AP1G1: variants seen among roughly 807,000 people sequenced by gnomAD.
The protein encoded by AP1G1 is AP-1 complex subunit gamma-1.
In AP1G1, 7 loss-of-function variants were observed where a neutral mutation model predicts 108.3. The observed-to-expected ratio is 0.06, with a 90% CI of 0.04 to 0.12. AP1G1 has a LOEUF of 0.12. AP1G1 is among the 10% of genes least tolerant of loss of function. The probability of loss-of-function intolerance (pLI) is 1.00; values close to 1 mark genes in which losing one functional copy is unlikely to be tolerated. For missense variants in AP1G1, 756 were observed against 1,010.7 expected (o/e 0.75, Z 3.42); for synonymous variants, 379 against 353.5 (o/e 1.07, Z -0.81).
At chr16:71,755,188 G>A (rs959725272) in intron 12 of AP1G1, among the ~76,000 whole-genome samples, 6 of 152,194 alleles carry the variant, frequency 3.9e-5, no homozygotes, top group Admixed American at 2.0e-4. Flanking sequence ...CACTTTGGGA[G>A]GCTGAGGCAG....
chr16:71,795,805 C>T (rs2032564916), intron 1 of AP1G1, among the ~76,000 whole-genome samples: 1 of 152,126 alleles, frequency 6.6e-6, no homozygotes, highest in Non-Finnish European at 1.5e-5. Flanking sequence ...TTGTGGTTTT[C>T]TTTCTTTTGA....
chr16:71,783,114 C>T (rs940281666), intron 2 of AP1G1, among the ~76,000 whole-genome samples: 4 of 152,058 alleles, frequency 2.6e-5, no homozygotes, highest in African/African-American at 9.7e-5. Context: ...TGTGAGAAAG[C>T]GTGTCTACTA....
At chr16:71,808,063 AAC>A (rs1469269613) in intron 1 of AP1G1, 7 of 1,178,234 alleles carry the variant, frequency 5.9e-6, no homozygotes, top group Admixed American at 3.8e-5. Flanking sequence ...CTAACCGGGA[AAC>A]ACAATCAACC....
chr16:71,746,882 C>T (rs1597041773), intron 16 of AP1G1, 190 bp from the exon 17 acceptor site: 1 of 447,236 alleles, frequency 2.2e-6, no homozygotes, highest in South Asian at 3.0e-5. Context: ...TTATACTATT[C>T]TCATTGTAAC....
chr16:71,801,150 T>C (rs181937200), intron 1 of AP1G1, among the ~76,000 whole-genome samples: 3 of 152,006 alleles, frequency 2.0e-5, no homozygotes, highest in East Asian at 3.9e-4. Context: ...CTACTAAAAA[T>C]ACAAAAATTA....
intron 2 of AP1G1, among the ~76,000 whole-genome samples, chr16:71,783,049 T>C (rs2032082464): frequency 6.6e-6 from 1 of 152,146 alleles, no homozygotes; most frequent in African/African-American, 2.4e-5. Context: ...ATTCTAAGGC[T>C]TTTCAAGGAA....
intron 22 of AP1G1, 34 bp from the exon 23 acceptor site, chr16:71,733,193 C>T (rs2145404425): frequency 1.3e-6 from 2 of 1,530,152 alleles, no homozygotes; most frequent in Non-Finnish European, 9.0e-7. Flanking sequence ...AAATTATATA[C>T]TGAAATGAAA....
At chr16:71,744,767 C>T (rs975146686) in intron 19 of AP1G1, among the ~76,000 whole-genome samples, 2 of 151,772 alleles carry the variant, frequency 1.3e-5, no homozygotes, top group Non-Finnish European at 2.9e-5. Flanking sequence ...GTAGAGATGG[C>T]GTTTCACCAT....
intron 17 of AP1G1, among the ~76,000 whole-genome samples, 200 bp downstream of exon 17, chr16:71,746,388 T>C (rs2145429998): frequency 6.6e-6 from 1 of 152,310 alleles, no homozygotes; most frequent in Admixed American, 6.5e-5. Context: ...GGAGGTGGAA[T>C]GAAAGAGAGT....
rs376784594 is a variant in AP1G1, at chr16:71,745,619, A to G, written c.1731-5T>C. 6.2e-7 allele frequency: 1 copy of G among 1,613,110 alleles called. No homozygotes were observed. The highest frequency in any genetic ancestry group is 1.3e-5 in the African/African-American group (1 of 74,996). ...ATTCTCTCAAGTAGGGCAGACCTAG[A>G]AGAATCTGAAGTGGTTAAATTCTAG... is the stretch of plus-strand genomic sequence containing the variant. On this transcript the variant is annotated splice_region_variant and splice_polypyrimidine_tract_variant and intron_variant, in intron 17 of 22. Transcript: ENST00000299980.
intron 1 of AP1G1, among the ~76,000 whole-genome samples, chr16:71,791,387 T>C (rs1555557816): frequency 6.6e-6 from 1 of 152,124 alleles, no homozygotes; most frequent in South Asian, 2.1e-4. Context: ...TGATCAGTTA[T>C]AGAATATATA....
intron 10 of AP1G1, among the ~76,000 whole-genome samples, chr16:71,759,352 T>A (rs909818864): frequency 3.3e-5 from 5 of 152,084 alleles, no homozygotes; most frequent in African/African-American, 1.2e-4. Flanking sequence ...TCCCAGCTAC[T>A]CGAGGGGCTG....
chr16:71,742,431 T>TA (rs2029915612), intron 19 of AP1G1: 15 of 152,176 alleles, frequency 9.9e-5, no homozygotes, highest in Non-Finnish European at 1.5e-5. Context: ...ACAATGCTTA[T>TA]GACTGTGCGG....
intron 2 of AP1G1, chr16:71,777,718 C>A: frequency 2.2e-6 from 1 of 444,996 alleles, no homozygotes; most frequent in South Asian, 1.6e-5. Context: ...CGGGCCCGTT[C>A]TCCTCCTCCT....
intron 3 of AP1G1, among the ~76,000 whole-genome samples, chr16:71,773,785 CTG>C (rs958199353): frequency 2.7e-5 from 4 of 150,438 alleles, no homozygotes; most frequent in African/African-American, 9.8e-5. Flanking sequence ...TCCACTAAAA[CTG>C]TAAAAATTGG....
intron 19 of AP1G1, among the ~76,000 whole-genome samples, chr16:71,739,685 G>C (rs1203443704): frequency 6.6e-6 from 1 of 150,642 alleles, no homozygotes; most frequent in Admixed American, 6.6e-5. Flanking sequence ...CTGGAAAGTT[G>C]AGGCTACAGT....
At chr16:71,771,361 T>C (rs190265292) in intron 4 of AP1G1, 109 bp from the exon 5 acceptor site, 2 of 615,864 alleles carry the variant, frequency 3.2e-6, no homozygotes, top group South Asian at 2.2e-5. Context: ...GTTCATCTAC[T>C]AGAAAAATAA....
chr16:71,739,526 A>G (rs1027967328), intron 19 of AP1G1, among the ~76,000 whole-genome samples, 185 bp from the exon 20 acceptor site: 3 of 152,180 alleles, frequency 2.0e-5, no homozygotes, highest in African/African-American at 7.2e-5. Flanking sequence ...ACTTCTGTTT[A>G]TTAAAAAATA....
intron 11 of AP1G1, among the ~76,000 whole-genome samples, chr16:71,758,045 T>C (rs1340834919): frequency 6.6e-6 from 1 of 152,204 alleles, no homozygotes; most frequent in Non-Finnish European, 1.5e-5. Flanking sequence ...TAAGTTTAGG[T>C]CTTATCTTTA....
Sources: allele counts gnomAD v4.1 joint callset (sites outside exome capture counted in the v4.1 genomes callset), GRCh38; gene constraint gnomAD v4.1.1; transcripts MANE v1.5; gene names NCBI Gene and HGNC (gene_info 2026-07-23, HGNC 2026-07-21).